The following OPA3 variants were observed in gnomAD, a reference collection of about 807,000 sequenced individuals.
The protein encoded by OPA3 is optic atrophy 3 protein.
A neutral mutation model predicts 4.0 loss-of-function variants in OPA3; 6 were observed. The ratio of observed to expected loss-of-function variants is 1.51; its 90% CI spans 0.83 to 2.99. OPA3 has a LOEUF of 2.99. Ranked by LOEUF, OPA3 falls within the 30% of genes most tolerant of loss-of-function variation. The pLI, the probability that OPA3 is intolerant of heterozygous loss-of-function variation, is 0.00. For synonymous variants in OPA3, 105 were observed against 117.1 expected (o/e 0.90, Z 0.67); for missense variants, 235 against 256.2 (o/e 0.92, Z 0.56).
rs1188766789 is a variant in OPA3, at chr19:45,553,556, G to A, written c.498C>T (p.Pro166=). The change falls in exon 2 of 2, where the codon CCC becomes CCT. Residue 166 remains proline (P), a synonymous_variant. Coordinates refer to ENST00000263275, the MANE Select transcript of OPA3 (RefSeq NM_025136.4). The part of the protein sequence containing the change: ...LQEVRAQLCN[P]GRSASHAVPA... ...GCACTGCGTGGGAAGCGGACCGGCC[G>A]GGATTGCAGAGCTGGGCGCGCACCT... 1 of 1,613,172 alleles carries A rather than the reference G, an allele frequency of 6.2e-7. No homozygotes were observed. Among genetic ancestry groups the A allele is most frequent in the Non-Finnish European group, 8.5e-7 (1 of 1,180,000 alleles).
chr19:45,584,574 A>G, intron 1 of OPA3, 49 bp downstream of exon 1: 2 of 1,613,366 alleles, frequency 1.2e-6, no homozygotes, highest in Non-Finnish European at 1.7e-6. Flanking sequence ...ACCACCTGAC[A>G]GGGGTTGGAG....
At chr19:45,560,300 T>C (rs546910588) in intron 1 of OPA3, among the ~76,000 whole-genome samples, 1 of 152,236 alleles carries the variant, frequency 6.6e-6, no homozygotes, top group East Asian at 1.9e-4. Flanking sequence ...CTGCTCTGGG[T>C]CCTCACTGCA....
At chr19:45,533,502 C>A (rs1225046821) in intron 1 of OPA3, among the ~76,000 whole-genome samples, 1 of 152,186 alleles carries the variant, frequency 6.6e-6, no homozygotes, top group Non-Finnish European at 1.5e-5. Context: ...CTGAATGTAG[C>A]TAATTTTTAA....
intron 1 of OPA3, among the ~76,000 whole-genome samples, chr19:45,555,410 A>G (rs1969406063): frequency 6.6e-6 from 1 of 152,014 alleles, no homozygotes; most frequent in South Asian, 2.1e-4. Flanking sequence ...ATCATGGCTC[A>G]CTGCAGCCTC....
Position 45,550,838 on chromosome 19 carries a change from G to C in OPA3, c.*2676C>G, listed in dbSNP as rs1023797196. On this transcript the variant is annotated 3_prime_UTR_variant, in exon 2 of 2. Coordinates refer to ENST00000263275, the MANE Select transcript of OPA3 (RefSeq NM_025136.4). The stretch of plus-strand genomic sequence containing the variant: ...GGAAGGACAGACTGCAGGCTACTGG[G>C]ACCCACCCCCTCCCGCTTCAGTGGC... 1.0e-6 allele frequency: 1 copy of C among 986,136 alleles called. No homozygotes were observed. Among genetic ancestry groups the C allele is most frequent in the Non-Finnish European group, 1.2e-6 (1 of 830,172 alleles). 61.1% of individuals were successfully genotyped at this position (986,136 alleles called of 1,614,324 possible).
chr19:45,539,248 G>A (rs1257756492), intron 1 of OPA3, among the ~76,000 whole-genome samples: 3 of 152,058 alleles, frequency 2.0e-5, no homozygotes, highest in Non-Finnish European at 4.4e-5. Context: ...CATGTCACTG[G>A]CGGAAATGTA....
intron 1 of OPA3, among the ~76,000 whole-genome samples, chr19:45,569,071 C>T (rs1191576871): frequency 6.6e-6 from 1 of 152,160 alleles, no homozygotes; most frequent in East Asian, 1.9e-4. Context: ...AGAAAATGAT[C>T]CCCACCTCTA....
intron 1 of OPA3, among the ~76,000 whole-genome samples, chr19:45,529,892 CCTGG>C (rs1162489449): frequency 6.6e-6 from 1 of 151,826 alleles, no homozygotes; most frequent in Non-Finnish European, 1.5e-5. Flanking sequence ...CGCCATCATG[CCTGG>C]CTAATTTTTT....
intron 1 of OPA3, among the ~76,000 whole-genome samples, chr19:45,557,925 C>G (rs1031569290): frequency 4.6e-5 from 7 of 152,208 alleles, no homozygotes; most frequent in Admixed American, 4.6e-4. Context: ...CTCATTAGAT[C>G]TAAGCTTAAC....
chr19:45,558,368 G>A (rs757770414), intron 1 of OPA3, among the ~76,000 whole-genome samples: 28 of 151,820 alleles, frequency 1.8e-4, no homozygotes, highest in Non-Finnish European at 1.9e-4. Context: ...ACCATTCCCC[G>A]TCGCCCCACC....
chr19:45,537,411 A>AC (rs1388431986), intron 1 of OPA3, among the ~76,000 whole-genome samples: 1 of 94,952 alleles, frequency 1.1e-5, no homozygotes, highest in Admixed American at 1.1e-4. Flanking sequence ...AAAAAAAAAA[A>AC]AAAAAAAAAA....
At chr19:45,562,596 G>A (rs1969521621) in intron 1 of OPA3, among the ~76,000 whole-genome samples, 1 of 152,154 alleles carries the variant, frequency 6.6e-6, no homozygotes, top group Non-Finnish European at 1.5e-5. Flanking sequence ...GGCTGAGGCA[G>A]GAGAAGCTCT....
intron 1 of OPA3, among the ~76,000 whole-genome samples, chr19:45,557,687 C>G (rs962380679): frequency 6.6e-6 from 1 of 152,154 alleles, no homozygotes; most frequent in Admixed American, 6.5e-5. Flanking sequence ...AGGATCCATC[C>G]CAGCTCTGAC....
At chr19:45,533,766 A>G (rs1261184012) in intron 1 of OPA3, among the ~76,000 whole-genome samples, 2 of 152,196 alleles carry the variant, frequency 1.3e-5, no homozygotes, top group Non-Finnish European at 2.9e-5. Flanking sequence ...GGGCAGGGTC[A>G]AGGTGAAAAC....
chr19:45,565,308 C>T (rs1969566286), intron 1 of OPA3, among the ~76,000 whole-genome samples: 1 of 151,016 alleles, frequency 6.6e-6, no homozygotes, highest in South Asian at 2.1e-4. Context: ...TAGTATACCA[C>T]TGATCGAAAC....
chr19:45,555,281 T>C (rs180769891), intron 1 of OPA3, among the ~76,000 whole-genome samples: 1 of 152,268 alleles, frequency 6.6e-6, no homozygotes, highest in Non-Finnish European at 1.5e-5. Flanking sequence ...AATACAAAAG[T>C]ACATGAACAA....
intron 1 of OPA3, among the ~76,000 whole-genome samples, chr19:45,531,477 A>G (rs1210039198): frequency 6.6e-6 from 1 of 152,210 alleles, no homozygotes; most frequent in Non-Finnish European, 1.5e-5. Flanking sequence ...TTGTGGACAC[A>G]CTAGCTGTTC....
At chr19:45,582,186 AT>A (rs1200140224) in intron 1 of OPA3, among the ~76,000 whole-genome samples, 1 of 146,208 alleles carries the variant, frequency 6.8e-6, no homozygotes, top group Non-Finnish European at 1.5e-5. Flanking sequence ...TTTGAGATGG[AT>A]TTTCACTCTT....
intron 1 of OPA3, among the ~76,000 whole-genome samples, chr19:45,583,135 C>G (rs187708668): frequency 1.9e-4 from 29 of 151,956 alleles, no homozygotes; most frequent in Middle Eastern, 6.9e-3. Context: ...TTATGTCCCA[C>G]GTAGCACAAC....
Sources: allele counts gnomAD v4.1 joint callset (sites outside exome capture counted in the v4.1 genomes callset), GRCh38; gene constraint gnomAD v4.1.1; transcripts MANE v1.5; gene names NCBI Gene and HGNC (gene_info 2026-07-23, HGNC 2026-07-21).